The following UVRAG variants were observed in gnomAD, a reference collection of about 807,000 sequenced individuals.
UVRAG encodes the protein UV radiation resistance associated.
UVRAG carries 19 observed loss-of-function variants against 78.0 expected under a neutral mutation model. That is an observed-to-expected ratio of 0.24 (90% confidence interval 0.17 to 0.36). The LOEUF (loss-of-function observed/expected upper bound fraction) is 0.36, where lower values mean the gene tolerates loss of function less well. UVRAG is among the 10% of genes least tolerant of loss of function. UVRAG has a pLI of 1.00. For synonymous variants in UVRAG, 323 were observed against 324.6 expected, an observed-to-expected ratio of 1.00 and a Z score of 0.05; for missense variants, 740 against 853.8, an observed-to-expected ratio of 0.87 and a Z score of 1.66.
chr11:76,000,938 A>G (rs1319137006), intron 8 of UVRAG, among the ~76,000 whole-genome samples: 1 of 152,232 alleles, frequency 6.6e-6, no homozygotes, highest in African/African-American at 2.4e-5. Flanking sequence ...CACAACACTC[A>G]TCCTCAGTGA....
intron 6 of UVRAG, chr11:75,930,935 C>CTTTCTTTCTTTCTTTCTTTCT (rs1948221779): frequency 7.6e-6 from 1 of 131,108 alleles, no homozygotes; most frequent in Non-Finnish European, 1.6e-5. Context: ...GATTTTCTTT[C>CTTTCTTTCTTTCTTTCTTTCT]TTTCTTTCTT....
rs767721495 is a variant in UVRAG, at chr11:75,983,558, AGTT to A, written c.826+46_826+48del. 3 of 1,504,054 alleles carry A rather than the reference AGTT, an allele frequency of 2.0e-6. No individual in the cohort carries two copies. The Admixed American group carries it at 6.5e-5, about 32-fold the overall frequency. The allele number at this position is 1,504,054 out of a possible 1,614,324, so 93.2% of individuals were successfully genotyped here. A position where few individuals can be genotyped will look rare whatever the true frequency, so the allele number is the denominator to read the frequency against. ...AAACAGCCTAACCTCCACATTCAGT[AGTT>A]CTCCTTTCTTCTTCTTCACAAGCTC... On this transcript the variant is annotated intron_variant, in intron 8 of 14. Transcript: ENST00000356136.
At chr11:76,055,366 AC>A (rs1185568701) in intron 12 of UVRAG, among the ~76,000 whole-genome samples, 1 of 152,132 alleles carries the variant, frequency 6.6e-6, no homozygotes, top group African/African-American at 2.4e-5. Context: ...CTTATTATTT[AC>A]TATTAGCTAA....
At chr11:76,125,083 GA>G (rs1952359714) in intron 14 of UVRAG, among the ~76,000 whole-genome samples, 4 of 152,152 alleles carry the variant, frequency 2.6e-5, no homozygotes, top group African/African-American at 7.2e-5. Flanking sequence ...ATTCAGAACT[GA>G]AATCTGGCAG....
At chr11:75,888,975 T>C (rs1211081942) in intron 5 of UVRAG, 72 bp downstream of exon 5, 1 of 1,261,970 alleles carries the variant, frequency 7.9e-7, no homozygotes, top group Non-Finnish European at 1.1e-6. Flanking sequence ...AGGGTAGATA[T>C]AATCCTGAAA....
chr11:76,126,205 T>C (rs1952388965), intron 14 of UVRAG, among the ~76,000 whole-genome samples: 2 of 152,094 alleles, frequency 1.3e-5, no homozygotes, highest in South Asian at 4.1e-4. Context: ...CCTCCCAAAG[T>C]GCTGGGATTA....
chr11:76,115,072 T>C (rs1952152002), intron 13 of UVRAG, among the ~76,000 whole-genome samples: 1 of 152,240 alleles, frequency 6.6e-6, no homozygotes, highest in Non-Finnish European at 1.5e-5. Context: ...TGTGAGAATA[T>C]GCACATCCAC....
In UVRAG at chr11:75,880,207, T is replaced by C. The variant is rs75540366; in HGVS notation, c.432+167T>C. Among the ~76,000 whole-genome samples, 953 of 152,372 alleles carry C rather than the reference T, an allele frequency of 6.3e-3. 42 individuals are homozygous for C. In the East Asian group the frequency reaches 0.13, roughly 21 times the overall value. ...TGATGATCATTTACATATGTTATTA[T>C]TTACTTATATTACTTACATTGTTAT... On this transcript the variant is annotated intron_variant, in intron 4 of 14. Transcript: ENST00000356136.
intron 4 of UVRAG, among the ~76,000 whole-genome samples, chr11:75,887,876 GC>G (rs746628366): frequency 6.6e-6 from 1 of 152,022 alleles, no homozygotes; most frequent in Non-Finnish European, 1.5e-5. Flanking sequence ...CCGGTGTCTG[GC>G]CTCAGTTCCT....
chr11:76,043,422 G>A (rs1215896796), intron 12 of UVRAG, among the ~76,000 whole-genome samples: 2 of 152,126 alleles, frequency 1.3e-5, no homozygotes, highest in African/African-American at 2.4e-5. Context: ...AAGCTACTGT[G>A]ACATTCTGTT....
At chr11:75,982,305 G>T (rs906017601) in intron 7 of UVRAG, among the ~76,000 whole-genome samples, 3 of 152,172 alleles carry the variant, frequency 2.0e-5, no homozygotes, top group Non-Finnish European at 2.9e-5. Context: ...AGCTCCCCTT[G>T]CCTTAATTAA....
chr11:76,079,860 T>C (rs184327638), intron 13 of UVRAG, among the ~76,000 whole-genome samples: 1 of 152,326 alleles, frequency 6.6e-6, no homozygotes, highest in East Asian at 1.9e-4. Flanking sequence ...TGGGAATAGG[T>C]TAAATAAATG....
chr11:75,994,204 A>G (rs943569403), intron 8 of UVRAG, among the ~76,000 whole-genome samples: 4 of 152,230 alleles, frequency 2.6e-5, no homozygotes, highest in African/African-American at 9.6e-5. Flanking sequence ...AGAGTTCTCC[A>G]AACTTTGTGG....
intron 13 of UVRAG, among the ~76,000 whole-genome samples, chr11:76,093,338 C>T (rs974054316): frequency 2.1e-4 from 32 of 152,252 alleles, no homozygotes; most frequent in African/African-American, 7.0e-4. Flanking sequence ...CTTGACAATG[C>T]GGGCTCTTTT....
chr11:75,992,160 G>C (rs1286927586), intron 8 of UVRAG, among the ~76,000 whole-genome samples: 1 of 152,164 alleles, frequency 6.6e-6, no homozygotes, highest in African/African-American at 2.4e-5. Flanking sequence ...AGTTATGGCA[G>C]AGCCTGTGTT....
intron 2 of UVRAG, among the ~76,000 whole-genome samples, chr11:75,861,494 C>CT (rs2134784389): frequency 6.6e-6 from 1 of 152,256 alleles, no homozygotes; most frequent in African/African-American, 2.4e-5. Flanking sequence ...AAAAAGGAGT[C>CT]AGTAAGGTAA....
At position 76,001,313 on chromosome 11, in the gene UVRAG, T is replaced by C. The variant is rs561717257; in HGVS notation, c.827-2692T>C. On this transcript the variant is annotated intron_variant, in intron 8 of 14. Coordinates refer to ENST00000356136, the MANE Select transcript of UVRAG (RefSeq NM_003369.4). ...ATGAAAATGAAAATACATTTGAAGTTTGAGGTAAATTTATAGCATTTCATG... is the reference window on the plus strand; with the variant it reads ...ATGAAAATGAAAATACATTTGAAGTCTGAGGTAAATTTATAGCATTTCATG... Among the ~76,000 whole-genome samples the C allele has an allele frequency of 2.7e-4, 41 of 152,264 alleles. 1 individual carries two copies. The highest frequency in any genetic ancestry group is 9.6e-4 in the African/African-American group (40 of 41,548).
chr11:76,046,856 G>C (rs1025048099), intron 12 of UVRAG, among the ~76,000 whole-genome samples: 1 of 152,188 alleles, frequency 6.6e-6, no homozygotes, highest in Non-Finnish European at 1.5e-5. Context: ...TGGAGGTCTA[G>C]GAATGGAGAT....
intron 8 of UVRAG, chr11:75,983,747 G>A: frequency 2.5e-6 from 1 of 406,806 alleles, no homozygotes; most frequent in South Asian, 7.6e-5. Flanking sequence ...TAGGCTATAT[G>A]GCTGTAAACT....
Sources: gnomAD v4.1 joint callset for allele counts (sites outside exome capture counted in the v4.1 genomes callset) on GRCh38, gnomAD v4.1.1 for gene constraint, MANE v1.5 for transcripts, NCBI Gene and HGNC (gene_info 2026-07-23, HGNC 2026-07-21) for gene names.